Variants in SLC4A10 observed in about 807,000 individuals in gnomAD.
The protein encoded by SLC4A10 is solute carrier family 4 member 10.
Under a neutral mutation model 137.7 loss-of-function variants are expected in SLC4A10, and 42 were observed. The observed-to-expected ratio is 0.30, with a 90% CI of 0.24 to 0.39. The LOEUF (loss-of-function observed/expected upper bound fraction) is 0.39. Among genes scored for constraint, SLC4A10 ranks in the 10% least tolerant of loss-of-function variants. The pLI is 1.00. For synonymous variants in SLC4A10, 474 were observed against 464.1 expected, an observed-to-expected ratio of 1.02 and a Z score of -0.27; for missense variants, 925 against 1,355.0, an observed-to-expected ratio of 0.68 and a Z score of 4.98.
At chr2:161,823,890 G>A (rs908278533) in intron 3 of SLC4A10, among the ~76,000 whole-genome samples, 3 of 152,148 alleles carry the variant, frequency 2.0e-5, no homozygotes, top group East Asian at 1.9e-4. Context: ...GGCAATTGCC[G>A]CTAGGTTTAT....
chr2:161,644,324 C>T (rs758591375), intron 1 of SLC4A10, among the ~76,000 whole-genome samples: 25 of 151,978 alleles, frequency 1.6e-4, no homozygotes. Flanking sequence ...AGCGAGGACC[C>T]ATCTCTACCA....
intron 3 of SLC4A10, among the ~76,000 whole-genome samples, chr2:161,819,092 C>G (rs1203624814): frequency 6.6e-6 from 1 of 152,142 alleles, no homozygotes; most frequent in Non-Finnish European, 1.5e-5. Context: ...CAGCAGAATC[C>G]TACTTTATTA....
chr2:161,815,688 T>C (rs180826913), intron 3 of SLC4A10, among the ~76,000 whole-genome samples: 1 of 152,180 alleles, frequency 6.6e-6, no homozygotes, highest in Admixed American at 6.6e-5. Flanking sequence ...GATTTTTATT[T>C]AATTAATCTT....
At chr2:161,942,731 G>C in intron 15 of SLC4A10, 61 bp from the exon 16 acceptor site, 1 of 1,288,556 alleles carries the variant, frequency 7.8e-7, no homozygotes, top group Non-Finnish European at 1.1e-6. Flanking sequence ...TTATACATTA[G>C]TCTTCGGTAC....
chr2:161,831,166 C>T (rs1392131520), intron 3 of SLC4A10, among the ~76,000 whole-genome samples: 8 of 152,104 alleles, frequency 5.3e-5, no homozygotes, highest in Non-Finnish European at 1.2e-4. Flanking sequence ...AGAGTTACCA[C>T]AGATATTTAT....
chr2:161,677,786 A>C (rs2040427184), intron 1 of SLC4A10, among the ~76,000 whole-genome samples: 1 of 152,328 alleles, frequency 6.6e-6, no homozygotes, highest in East Asian at 1.9e-4. Context: ...AAGTGGCAGC[A>C]AGATTTGGCA....
chr2:161,814,697 A>G (rs2056882918), intron 3 of SLC4A10, among the ~76,000 whole-genome samples: 2 of 152,198 alleles, frequency 1.3e-5, no homozygotes, highest in South Asian at 4.1e-4. Flanking sequence ...GTTCTCACTT[A>G]TAAGTGGGAG....
chr2:161,961,158 A>G (rs1696636039), intron 21 of SLC4A10, among the ~76,000 whole-genome samples: 1 of 152,212 alleles, frequency 6.6e-6, no homozygotes, highest in Non-Finnish European at 1.5e-5. Flanking sequence ...ATAGCATATA[A>G]GAGAATAGTT....
intron 1 of SLC4A10, among the ~76,000 whole-genome samples, chr2:161,658,095 ATGTTAACTAACT>A (rs2037793903): frequency 6.6e-6 from 1 of 152,110 alleles, no homozygotes; most frequent in South Asian, 2.1e-4. Context: ...TAGCTTTTAG[ATGTTAACTAACT>A]TGTTAATTTA....
At chr2:161,632,759 T>C (rs891669405) in intron 1 of SLC4A10, among the ~76,000 whole-genome samples, 2 of 151,522 alleles carry the variant, frequency 1.3e-5, no homozygotes, top group African/African-American at 2.4e-5. Flanking sequence ...GAAACCAGCA[T>C]TTAAAAAAAC....
At chr2:161,873,230 T>A (rs948618717) in intron 7 of SLC4A10, among the ~76,000 whole-genome samples, 1 of 152,086 alleles carries the variant, frequency 6.6e-6, no homozygotes, top group African/African-American at 2.4e-5. Flanking sequence ...TACATCTAAT[T>A]GGAGACAACT....
At chr2:161,819,957 A>C (rs2057478024) in intron 3 of SLC4A10, among the ~76,000 whole-genome samples, 1 of 152,204 alleles carries the variant, frequency 6.6e-6, no homozygotes, top group Non-Finnish European at 1.5e-5. Context: ...TAACACTTCA[A>C]CGTTTATTTT....
intron 1 of SLC4A10, among the ~76,000 whole-genome samples, chr2:161,763,820 G>T (rs566999209): frequency 6.6e-6 from 1 of 152,160 alleles, no homozygotes; most frequent in South Asian, 2.1e-4. Flanking sequence ...ATTTATAAGG[G>T]TTAATAGAGG....
At chr2:161,897,840 A>T (rs1191983765) in intron 11 of SLC4A10, among the ~76,000 whole-genome samples, 4 of 152,138 alleles carry the variant, frequency 2.6e-5, no homozygotes, top group Non-Finnish European at 5.9e-5. Context: ...TATTTGGAGA[A>T]ATGCAGCAAA....
intron 26 of SLC4A10, among the ~76,000 whole-genome samples, chr2:161,980,162 G>A (rs143325294): frequency 1.1e-3 from 160 of 152,266 alleles, no homozygotes; most frequent in African/African-American, 3.7e-3. Flanking sequence ...GTGTCTGGAG[G>A]TCCTTGGCAA....
At chr2:161,909,107 A>T (rs1685194377) in intron 15 of SLC4A10, among the ~76,000 whole-genome samples, 1 of 147,406 alleles carries the variant, frequency 6.8e-6, no homozygotes, top group Admixed American at 6.7e-5. Context: ...GGGGAGGGAT[A>T]GCATTAGGAG....
chr2:161,865,774 A>G (rs919535991), intron 6 of SLC4A10, among the ~76,000 whole-genome samples: 1 of 152,052 alleles, frequency 6.6e-6, no homozygotes, highest in Non-Finnish European at 1.5e-5. Flanking sequence ...AACTCTAGAT[A>G]TATAAACAAA....
rs555123605 is a variant in SLC4A10 at position 161,905,684 on chromosome 2, A to C, written c.1794A>C (p.Gly598=). 266 of 1,613,668 alleles carry C rather than the reference A, an allele frequency of 1.6e-4. 1 individual carries two copies. In the South Asian group the frequency reaches 2.8e-3, roughly 17 times the overall value. ...LSYLSLRASI[G]LWTATLCIIL... Reference sequence around the variant, plus strand: ...ACCTATCTTTAAGAGCTAGCATTGGACTTTGGACTGCAACTCTATGTATCA... The same window carrying C: ...ACCTATCTTTAAGAGCTAGCATTGGCCTTTGGACTGCAACTCTATGTATCA... The change falls in exon 15 of 27, where the codon GGA becomes GGC. Residue 598 remains glycine, a synonymous_variant. Coordinates refer to ENST00000446997, the MANE Select transcript of SLC4A10 (RefSeq NM_001178015.2).
chr2:161,878,825 T>C (rs1450911902), intron 8 of SLC4A10, among the ~76,000 whole-genome samples: 1 of 152,116 alleles, frequency 6.6e-6, no homozygotes, highest in Non-Finnish European at 1.5e-5. Flanking sequence ...TAAAGAATAG[T>C]TATTTAACTG....
Sources: gnomAD v4.1 joint callset for allele counts (sites outside exome capture counted in the v4.1 genomes callset) on GRCh38, gnomAD v4.1.1 for gene constraint, MANE v1.5 for transcripts, NCBI Gene and HGNC (gene_info 2026-07-23, HGNC 2026-07-21) for gene names.